The following CIAO1 variants were observed in gnomAD, a reference collection of about 807,000 sequenced individuals.
CIAO1 encodes probable cytosolic iron-sulfur protein assembly protein CIAO1.
In CIAO1, 32 loss-of-function variants were observed where a neutral mutation model predicts 43.1. The ratio of observed to expected loss-of-function variants is 0.74; its 90% CI spans 0.56 to 1.00. The LOEUF (loss-of-function observed/expected upper bound fraction) is 1.00. Among genes scored for constraint, CIAO1 ranks in the 50% least tolerant of loss-of-function variants. The probability of loss-of-function intolerance (pLI) is 0.00; values close to 1 mark genes in which losing one functional copy is unlikely to be tolerated. For synonymous variants in CIAO1, 183 were observed against 171.4 expected (o/e 1.07, Z -0.53); for missense variants, 415 against 437.4 (o/e 0.95, Z 0.46).
chr2:96,267,216 C>G, intron 1 of CIAO1, 105 bp from the exon 2 acceptor site: 1 of 1,197,160 alleles, frequency 8.4e-7, no homozygotes, highest in Non-Finnish European at 1.2e-6. Context: ...AAATACACTC[C>G]CTGAGCTTTC....
At position 96,271,470 on chromosome 2, in the gene CIAO1, T is replaced by G; in HGVS notation, c.*119T>G. The G allele has an allele frequency of 5.3e-5, 68 of 1,275,256 alleles. No individual in the cohort carries two copies. Among genetic ancestry groups the G allele is most frequent in the Non-Finnish European group, 6.5e-5 (61 of 934,804 alleles). The allele number at this position is 1,275,256 out of a possible 1,614,324, so 79.0% of individuals were successfully genotyped here. A position where few individuals can be genotyped will look rare whatever the true frequency, so the allele number is the denominator to read the frequency against. ...CTTCATTTAACTTGGCTCACTTCTCTTCAGACTTGGGTAGAAGTGCAGAGC... is the reference window on the plus strand; with the variant it reads ...CTTCATTTAACTTGGCTCACTTCTCGTCAGACTTGGGTAGAAGTGCAGAGC... On this transcript the variant is annotated 3_prime_UTR_variant, in exon 7 of 7. Coordinates refer to ENST00000488633, the MANE Select transcript of CIAO1 (RefSeq NM_004804.3).
At position 96,267,866 on chromosome 2, in the gene CIAO1, G is replaced by T; in HGVS notation, c.431G>T (p.Ser144Ile). Residue 144 changes from serine (S) to isoleucine (I), a missense_variant, in exon 4 of 7, where the codon AGT becomes ATT. Ser to Ile is a moderately radical substitution (Grantham distance 142). Coordinates refer to ENST00000488633, the MANE Select transcript of CIAO1 (RefSeq NM_004804.3). ...GAAGAGGATGAGTATGAATGTGTCA[G>T]TGTTCTCAACTCCCACACACAGGAT... Reference protein sequence around the residue: ...VDEEDEYECVSVLNSHTQDVK... With the variant: ...VDEEDEYECVIVLNSHTQDVK... 1.2e-6 allele frequency: 2 copies of T among 1,614,172 alleles called. No individual in the cohort carries two copies. The highest frequency in any genetic ancestry group is 1.7e-6 in the Non-Finnish European group (2 of 1,180,024).
chr2:96,266,611 C>G, intron 1 of CIAO1, 122 bp downstream of exon 1: 1 of 1,118,530 alleles, frequency 8.9e-7, no homozygotes, highest in Non-Finnish European at 1.1e-6. Context: ...GGATGTTAGC[C>G]ACGCCGAGAA....
In CIAO1 at chr2:96,269,305, T is replaced by G. The variant is rs763830889; in HGVS notation, c.729T>G (p.Cys243Trp). ...GCGGCTCTGACCCCAGTTGGAAATG[T>G]ATCTGTACTTTGTCCGGCTTCCACT... The part of the protein sequence containing the change: ...ACSGSDPSWK[C>W]ICTLSGFHSR... Residue 243 changes from cysteine (C) to tryptophan (W), a missense_variant, in exon 6 of 7, where the codon TGT becomes TGG. Transcript: ENST00000488633. 2 of 1,614,106 alleles carry G rather than the reference T, an allele frequency of 1.2e-6. No homozygotes were observed. Among genetic ancestry groups the G allele is most frequent in the Admixed American group, 3.3e-5 (2 of 59,998 alleles).
In CIAO1 at chr2:96,267,843, A is replaced by C. The variant is rs1283568328; in HGVS notation, c.408A>C (p.Glu136Asp). The C allele has an allele frequency of 1.2e-6, 2 of 1,614,066 alleles. No homozygotes were observed. The change falls in exon 4 of 7, where the codon GAA (glutamate) becomes GAC (aspartate). Residue 136 changes from glutamate (E) to aspartate (D), a missense_variant. Transcript: ENST00000488633. ...DKSVWVWEVDEEDEYECVSVL... is the reference protein window; with the variant it reads ...DKSVWVWEVDDEDEYECVSVL... The stretch of plus-strand genomic sequence containing the variant: ...CCTTTTTCTCTCCCACAGTTGATGA[A>C]GAGGATGAGTATGAATGTGTCAGTG...
Position 96,274,080 on chromosome 2 carries a change from T to A in CIAO1, c.*2729T>A, listed in dbSNP as rs1684608547. On this transcript the variant is annotated 3_prime_UTR_variant, in exon 7 of 7. Coordinates refer to ENST00000488633, the MANE Select transcript of CIAO1 (RefSeq NM_004804.3). ...AAATGTTAACATTATGATTTAAAAG[T>A]GCATTAACCTTAATCTAGATAATAA... Among the ~76,000 whole-genome samples the A allele has an allele frequency of 6.6e-6, 1 of 151,268 alleles. No homozygotes were observed. The highest frequency in any genetic ancestry group is 6.6e-5 in the Admixed American group (1 of 15,120).
Position 96,267,727 on chromosome 2 carries a change from G to A in CIAO1, c.391G>A (p.Val131Ile), listed in dbSNP as rs1264931743. Residue 131 changes from valine to isoleucine, a missense_variant, in exon 3 of 7, where the codon GTC becomes ATC. Physicochemically the swap from Val to Ile is conservative, Grantham distance 29. Coordinates refer to ENST00000488633, the MANE Select transcript of CIAO1 (RefSeq NM_004804.3). ...TTGCAGCCGAGATAAGAGCGTTTGGGTCTGGGAAGGTGAGGCCAGGTCCCT... is the reference window on the plus strand; with the variant it reads ...TTGCAGCCGAGATAAGAGCGTTTGGATCTGGGAAGGTGAGGCCAGGTCCCT... ...ATCSRDKSVWVWEVDEEDEYE... is the reference protein window; with the variant it reads ...ATCSRDKSVWIWEVDEEDEYE... 1 of 1,614,046 alleles carries A rather than the reference G, an allele frequency of 6.2e-7. No homozygotes were observed. The highest frequency in any genetic ancestry group is 8.5e-7 in the Non-Finnish European group (1 of 1,180,024).
chr2:96,268,667 C>T lies in CIAO1; in HGVS notation c.691+9C>T, dbSNP rs749319878. 1 of 1,613,734 alleles carries T rather than the reference C, an allele frequency of 6.2e-7. No homozygotes were observed. Among genetic ancestry groups the T allele is most frequent in the East Asian group, 2.2e-5 (1 of 44,888 alleles). On this transcript the variant is annotated intron_variant, in intron 5 of 6. Coordinates refer to ENST00000488633, the MANE Select transcript of CIAO1 (RefSeq NM_004804.3). ...ACCAGGCAATGAACAAGGTGAGGTCCATTAGTAGAGCTAAAGAAGACCCAT... is the reference window on the plus strand; with the variant it reads ...ACCAGGCAATGAACAAGGTGAGGTCTATTAGTAGAGCTAAAGAAGACCCAT...
At position 96,273,189 on chromosome 2, in the gene CIAO1, A is replaced by T. The variant is rs1055094138; in HGVS notation, c.*1838A>T. ...TAACAAATGTGATTTGTATAATGAAATGCATTTCATTTGGAAGAATTCAAT... is the reference window on the plus strand; with the variant it reads ...TAACAAATGTGATTTGTATAATGAATTGCATTTCATTTGGAAGAATTCAAT... On this transcript the variant is annotated 3_prime_UTR_variant, in exon 7 of 7. Transcript: ENST00000488633. 1 of 152,220 alleles carries T rather than the reference A, an allele frequency of 6.6e-6. No individual in the cohort carries two copies. Among genetic ancestry groups the T allele is most frequent in the Non-Finnish European group, 1.5e-5 (1 of 68,032 alleles). 9.4% of individuals were successfully genotyped at this position (152,220 alleles called of 1,614,324 possible). A position where few individuals can be genotyped will look rare whatever the true frequency, so the allele number is the denominator to read the frequency against.
chr2:96,269,221 G>A (rs753872609), intron 5 of CIAO1, 47 bp from the exon 6 acceptor site: 1 of 1,556,394 alleles, frequency 6.4e-7, no homozygotes, highest in Non-Finnish European at 8.9e-7. Context: ...CCTTTGAGGT[G>A]CCCAGGACAT....
chr2:96,269,373 C>A lies in CIAO1; in HGVS notation c.779+18C>A, dbSNP rs759492984. On this transcript the variant is annotated intron_variant, in intron 6 of 6. Transcript: ENST00000488633. ...ATTGCTTGGTAAGACTCCATCCCCCCACCCCATCCCATCCCCATAAATCAG... is the reference window on the plus strand; with the variant it reads ...ATTGCTTGGTAAGACTCCATCCCCCAACCCCATCCCATCCCCATAAATCAG... 46 of 1,597,856 alleles carry A rather than the reference C, an allele frequency of 2.9e-5. No individual in the cohort carries two copies. Among genetic ancestry groups the A allele is most frequent in the East Asian group, 6.7e-5 (3 of 44,792 alleles).
Position 96,267,083 on chromosome 2 carries a change from G to C in CIAO1, c.140-238G>C, listed in dbSNP as rs921089810. Among the ~76,000 whole-genome samples, 5 of 132,516 alleles carry C rather than the reference G, an allele frequency of 3.8e-5. No individual in the cohort carries two copies. The South Asian group carries it at 1.1e-3, about 29-fold the overall frequency. The allele number at this position is 132,516 out of a possible 152,430, so 86.9% of individuals were successfully genotyped here. A position where few individuals can be genotyped will look rare whatever the true frequency, so the allele number is the denominator to read the frequency against. ...CAGGAGGCGAAGATTGCAGTGAGCC[G>C]AGATTGTGCCATTGCACCCCAGCCT... is the stretch of plus-strand genomic sequence containing the variant. On this transcript the variant is annotated intron_variant, in intron 1 of 6. Coordinates refer to ENST00000488633, the MANE Select transcript of CIAO1 (RefSeq NM_004804.3).
chr2:96,267,157 A>G (rs913595905), intron 1 of CIAO1, 164 bp from the exon 2 acceptor site: 9 of 590,014 alleles, frequency 1.5e-5, no homozygotes, highest in Non-Finnish European at 1.6e-5. Flanking sequence ...AAAAAAAAAA[A>G]AAAGCTTCCA....
chr2:96,271,297 C>T lies in CIAO1; in HGVS notation c.966C>T (p.Cys322=), dbSNP rs1238305787. The T allele has an allele frequency of 6.2e-7, 1 of 1,614,088 alleles. No individual in the cohort carries two copies. The highest frequency in any genetic ancestry group is 1.3e-5 in the African/African-American group (1 of 74,938). Residue 322 remains cysteine, a synonymous_variant, in exon 7 of 7, where the codon TGC becomes TGT. Transcript: ENST00000488633. ...NPKEPGLLAS[C]SDDGEVAFWK... ...AGGAGCCAGGGCTACTGGCCTCCTGCAGTGATGATGGGGAGGTGGCCTTCT... is the reference window on the plus strand; with the variant it reads ...AGGAGCCAGGGCTACTGGCCTCCTGTAGTGATGATGGGGAGGTGGCCTTCT...
At position 96,271,331 on chromosome 2, in the gene CIAO1, C is replaced by A. The variant is rs763304988; in HGVS notation, c.1000C>A (p.Gln334Lys). 1 of 1,613,930 alleles carries A rather than the reference C, an allele frequency of 6.2e-7. No individual in the cohort carries two copies. Among genetic ancestry groups the A allele is most frequent in the African/African-American group, 1.3e-5 (1 of 74,946 alleles). The part of the protein sequence containing the change: ...DDGEVAFWKY[Q>K]RPEGL ...TGGGGAGGTGGCCTTCTGGAAGTAT[C>A]AGCGGCCTGAAGGCCTCTGAGCTAC... Residue 334 changes from glutamine (Q) to lysine (K), a missense_variant, in exon 7 of 7, where the codon CAG becomes AAG. Transcript: ENST00000488633.
chr2:96,266,303 T>C lies in CIAO1; in HGVS notation c.-48T>C. The C allele has an allele frequency of 1.5e-6, 2 of 1,339,462 alleles. No individual in the cohort carries two copies. The highest frequency in any genetic ancestry group is 1.9e-6 in the Non-Finnish European group (2 of 1,033,998). The allele number at this position is 1,339,462 out of a possible 1,614,324, so 83.0% of individuals were successfully genotyped here. A position where few individuals can be genotyped will look rare whatever the true frequency, so the allele number is the denominator to read the frequency against. On this transcript the variant is annotated 5_prime_UTR_variant, in exon 1 of 7. Coordinates refer to ENST00000488633, the MANE Select transcript of CIAO1 (RefSeq NM_004804.3). ...GACGCGCGCGGTGAGACCCGCTGTCTGCTCAGCGGACTCTGCCCGCCCCCA... is the reference window on the plus strand; with the variant it reads ...GACGCGCGCGGTGAGACCCGCTGTCCGCTCAGCGGACTCTGCCCGCCCCCA...
Position 96,272,149 on chromosome 2 carries a change from A to G in CIAO1, c.*798A>G, listed in dbSNP as rs988163149. Reference sequence around the variant, plus strand: ...TTCATGGCAGGGAGTGATCAGGAAGAAGGCTTCCTAGGGGACTGGCGATTT... The same window carrying G: ...TTCATGGCAGGGAGTGATCAGGAAGGAGGCTTCCTAGGGGACTGGCGATTT... On this transcript the variant is annotated 3_prime_UTR_variant, in exon 7 of 7. Transcript: ENST00000488633. 6 of 152,212 alleles carry G rather than the reference A, an allele frequency of 3.9e-5. No individual in the cohort carries two copies. Among genetic ancestry groups the G allele is most frequent in the Admixed American group, 2.0e-4 (3 of 15,288 alleles). The allele number at this position is 152,212 out of a possible 1,614,324, so 9.4% of individuals were successfully genotyped here. A position where few individuals can be genotyped will look rare whatever the true frequency, so the allele number is the denominator to read the frequency against.
intron 4 of CIAO1, 137 bp downstream of exon 4, chr2:96,268,061 A>G: frequency 1.3e-6 from 1 of 753,116 alleles, no homozygotes; most frequent in Non-Finnish European, 2.3e-6. Flanking sequence ...TCCCTTTATA[A>G]AAACAGATCC....
At chr2:96,266,827 ATTTG>A (rs1437183488) in intron 1 of CIAO1, among the ~76,000 whole-genome samples, 4 of 151,972 alleles carry the variant, frequency 2.6e-5, no homozygotes, top group Non-Finnish European at 5.9e-5. Flanking sequence ...TTTAGATCAG[ATTTG>A]TTTTAGAAAG....
Sources: allele counts gnomAD v4.1 joint callset (sites outside exome capture counted in the v4.1 genomes callset), GRCh38; gene constraint gnomAD v4.1.1; transcripts MANE v1.5; gene names NCBI Gene and HGNC (gene_info 2026-07-23, HGNC 2026-07-21).